Variants in EPHA5 observed in about 807,000 individuals in gnomAD.
EPHA5 encodes EPH receptor A5, also known as ephrin type-A receptor 5.
In EPHA5, 60 loss-of-function variants were observed where a neutral mutation model predicts 105.0. That is an observed-to-expected ratio of 0.57 (90% CI 0.46 to 0.71). The LOEUF (loss-of-function observed/expected upper bound fraction) is 0.71, where lower values mean the gene tolerates loss of function less well. Ranked by LOEUF, EPHA5 falls within the 30% of genes least tolerant of loss-of-function variation. The pLI is 0.00. For synonymous variants in EPHA5, 513 were observed against 449.1 expected (o/e 1.14, Z -1.80); for missense variants, 1,218 against 1,274.7 (o/e 0.96, Z 0.68).
At chr4:65,492,992 TG>T (rs758295602) in intron 4 of EPHA5, among the ~76,000 whole-genome samples, 5 of 151,452 alleles carry the variant, frequency 3.3e-5, no homozygotes, top group Admixed American at 6.6e-5. Flanking sequence ...TGTTTTGTTT[TG>T]TTTTTTAATT....
intron 8 of EPHA5, among the ~76,000 whole-genome samples, chr4:65,395,971 AC>A (rs1721191375): frequency 6.6e-6 from 1 of 151,900 alleles, no homozygotes; most frequent in Non-Finnish European, 1.5e-5. Flanking sequence ...ATGGAAACCC[AC>A]CCCCTTCCAA....
chr4:65,399,291 C>T (rs529378408), intron 8 of EPHA5, among the ~76,000 whole-genome samples: 261 of 152,342 alleles, frequency 1.7e-3, no homozygotes, highest in Non-Finnish European at 3.1e-3. Context: ...CAGCAGGAAG[C>T]GTGCCAGGCT....
chr4:65,346,510 A>G (rs1031806691), intron 14 of EPHA5, among the ~76,000 whole-genome samples: 2 of 152,034 alleles, frequency 1.3e-5, no homozygotes, highest in African/African-American at 4.8e-5. Context: ...TATATTTTAT[A>G]TATACATGGT....
chr4:65,667,007 G>A (rs112089948), intron 1 of EPHA5, among the ~76,000 whole-genome samples: 3 of 152,008 alleles, frequency 2.0e-5, no homozygotes, highest in African/African-American at 7.2e-5. Flanking sequence ...CACAGTCTTT[G>A]GGAAATCACT....
At chr4:65,348,810 T>TTTTTTTTTTTTTTTTTTTTTTTTTGAGAC (rs1722526965) in intron 13 of EPHA5, among the ~76,000 whole-genome samples, 1 of 65,646 alleles carries the variant, frequency 1.5e-5, no homozygotes, top group East Asian at 5.1e-4. Flanking sequence ...TATATATATA[T>TTTTTTTTTTTTTTTTTTTTTTTTTGAGAC]ATATATTTTT....
intron 3 of EPHA5, among the ~76,000 whole-genome samples, chr4:65,511,275 T>A (rs1733603098): frequency 1.3e-5 from 2 of 152,176 alleles, no homozygotes; most frequent in East Asian, 1.9e-4. Flanking sequence ...ATCAACTAAG[T>A]TATGTCTTTA....
chr4:65,387,452 A>G (rs1720217831), intron 8 of EPHA5, among the ~76,000 whole-genome samples: 1 of 152,066 alleles, frequency 6.6e-6, no homozygotes, highest in Non-Finnish European at 1.5e-5. Flanking sequence ...GCAGAAAGAT[A>G]CAGGGTGGTA....
At chr4:65,397,492 G>C (rs1721357869) in intron 8 of EPHA5, among the ~76,000 whole-genome samples, 2 of 152,078 alleles carry the variant, frequency 1.3e-5, no homozygotes, top group Non-Finnish European at 2.9e-5. Context: ...CCCCTCAAAA[G>C]AGTTATTTCT....
chr4:65,449,349 C>T (rs897497210), intron 5 of EPHA5, among the ~76,000 whole-genome samples: 2 of 152,036 alleles, frequency 1.3e-5, no homozygotes, highest in African/African-American at 4.8e-5. Context: ...AAAAAAGAGC[C>T]TTTTGCACTG....
At chr4:65,371,872 A>G (rs1418872476) in intron 8 of EPHA5, among the ~76,000 whole-genome samples, 1 of 151,958 alleles carries the variant, frequency 6.6e-6, no homozygotes, top group Non-Finnish European at 1.5e-5. Context: ...TTTGCACTTA[A>G]TTTACTCAAA....
At position 65,519,749 on chromosome 4, in the gene EPHA5, C is replaced by A. The variant is rs191221342; in HGVS notation, c.911-24206G>T. On this transcript the variant is annotated intron_variant, in intron 3 of 16. Transcript: ENST00000613740. Reference sequence around the variant, plus strand: ...ACAGCAATAACAGACAAACAGAGAGCAAAATCATGAGTGAATGTCCATTCA... The same window carrying A: ...ACAGCAATAACAGACAAACAGAGAGAAAAATCATGAGTGAATGTCCATTCA... Among the ~76,000 whole-genome samples, 37 of 152,100 alleles carry A rather than the reference C, an allele frequency of 2.4e-4. No individual in the cohort carries two copies. In the East Asian group the frequency reaches 7.0e-3, roughly 29 times the overall value.
intron 2 of EPHA5, among the ~76,000 whole-genome samples, chr4:65,627,357 T>A (rs963136310): frequency 6.6e-6 from 1 of 152,236 alleles, no homozygotes; most frequent in African/African-American, 2.4e-5. Context: ...AAGTTTAGTA[T>A]AATGCTGCAA....
intron 1 of EPHA5, among the ~76,000 whole-genome samples, chr4:65,664,158 A>T (rs1010112635): frequency 3.9e-5 from 6 of 152,040 alleles, no homozygotes; most frequent in African/African-American, 1.4e-4. Flanking sequence ...AATTCATGCT[A>T]ATTGTTTTGG....
At chr4:65,414,961 CA>C (rs1341406264) in intron 6 of EPHA5, among the ~76,000 whole-genome samples, 2 of 152,090 alleles carry the variant, frequency 1.3e-5, no homozygotes, top group Non-Finnish European at 1.5e-5. Context: ...AATTTAATTT[CA>C]ATTCACTAAG....
chr4:65,599,908 C>A (rs1236244126), intron 3 of EPHA5, among the ~76,000 whole-genome samples: 2 of 152,118 alleles, frequency 1.3e-5, no homozygotes, highest in Non-Finnish European at 2.9e-5. Flanking sequence ...ATGTTTTAAT[C>A]TCATCGACAA....
chr4:65,347,250 A>G lies in EPHA5; in HGVS notation c.2595+804T>C, dbSNP rs897063937. Among the ~76,000 whole-genome samples the G allele has an allele frequency of 2.6e-5, 4 of 152,194 alleles. No homozygotes were observed. The East Asian group carries it at 7.7e-4, about 29-fold the overall frequency. The stretch of plus-strand genomic sequence containing the variant: ...CAATATACTAGCTTTACAATGAAGT[A>G]ATAAAATAGTTGGTAAAGCACTTAA... On this transcript the variant is annotated intron_variant, in intron 14 of 16. Coordinates refer to ENST00000613740, the MANE Select transcript of EPHA5 (RefSeq NM_001281766.3).
intron 3 of EPHA5, among the ~76,000 whole-genome samples, chr4:65,523,546 A>T: frequency 6.6e-6 from 1 of 152,014 alleles, no homozygotes; most frequent in Non-Finnish European, 1.5e-5. Context: ...CTTGATGAAA[A>T]ACTTTTTATA....
At chr4:65,637,569 C>CATATATATATATATAT (rs34456844) in intron 2 of EPHA5, among the ~76,000 whole-genome samples, 1,652 of 112,132 alleles carry the variant, frequency 0.015, 42 homozygotes, top group Non-Finnish European at 0.019. Context: ...ATGAGTTTTG[C>CATATATATATATATAT]ATATATATAT....
chr4:65,366,880 T>C (rs915584300), intron 9 of EPHA5, among the ~76,000 whole-genome samples: 6 of 151,948 alleles, frequency 3.9e-5, no homozygotes, highest in Non-Finnish European at 8.8e-5. Context: ...TTCTGCATTA[T>C]TTTTTAAAGC....
Sources: gnomAD v4.1 joint callset for allele counts (sites outside exome capture counted in the v4.1 genomes callset) on GRCh38, gnomAD v4.1.1 for gene constraint, MANE v1.5 for transcripts, NCBI Gene and HGNC (gene_info 2026-07-23, HGNC 2026-07-21) for gene names.